RERE: variants seen among roughly 807,000 people sequenced by gnomAD.
RERE encodes the protein arginine-glutamic acid dipeptide repeats protein.
A neutral mutation model predicts 146.1 loss-of-function variants in RERE; 40 were observed. The observed-to-expected ratio is 0.27, with a 90% CI of 0.21 to 0.36. The LOEUF is 0.36. Among genes scored for constraint, RERE ranks in the 10% least tolerant of loss-of-function variants. The pLI is 1.00. For synonymous variants in RERE, 1,003 were observed against 866.0 expected, an observed-to-expected ratio of 1.16 and a Z score of -2.78; for missense variants, 1,933 against 2,138.7, an observed-to-expected ratio of 0.90 and a Z score of 1.90.
intron 1 of RERE, among the ~76,000 whole-genome samples, chr1:8,747,557 C>A (rs1255036385): frequency 6.6e-6 from 1 of 152,048 alleles, no homozygotes; most frequent in African/African-American, 2.4e-5. Context: ...ACTTGATTTA[C>A]TGAGTATCTA....
chr1:8,674,107 C>T (rs529152964), intron 1 of RERE, among the ~76,000 whole-genome samples: 1 of 152,088 alleles, frequency 6.6e-6, no homozygotes, highest in Admixed American at 6.5e-5. Flanking sequence ...TTATTTAGCT[C>T]CCATTTATAA....
chr1:8,508,761 T>G, intron 7 of RERE, 86 bp from the exon 8 acceptor site: 1 of 1,098,012 alleles, frequency 9.1e-7, no homozygotes, highest in South Asian at 1.3e-5. Context: ...GTAATTCTCT[T>G]CAAATAAATG....
chr1:8,362,505 T>C (rs574945360), intron 16 of RERE, among the ~76,000 whole-genome samples, 178 bp downstream of exon 16: 18 of 152,212 alleles, frequency 1.2e-4, no homozygotes, highest in African/African-American at 3.1e-4. Flanking sequence ...CGAGCCCCCT[T>C]CTCTAGGCCC....
At chr1:8,403,550 G>A (rs1643337559) in intron 12 of RERE, among the ~76,000 whole-genome samples, 1 of 151,068 alleles carries the variant, frequency 6.6e-6, no homozygotes, top group Non-Finnish European at 1.5e-5. Flanking sequence ...ATTTTTAGTA[G>A]AGGCAGGGTT....
intron 1 of RERE, among the ~76,000 whole-genome samples, chr1:8,728,036 T>C (rs1640007756): frequency 1.3e-5 from 2 of 152,110 alleles, no homozygotes; most frequent in African/African-American, 4.8e-5. Context: ...CAGCCAACGC[T>C]CCCCAGAGGC....
At chr1:8,682,352 T>C (rs1442488402) in intron 1 of RERE, among the ~76,000 whole-genome samples, 2 of 152,248 alleles carry the variant, frequency 1.3e-5, no homozygotes, top group Non-Finnish European at 2.9e-5. Flanking sequence ...TCTTTATCAA[T>C]ACCACAGCCT....
intron 1 of RERE, among the ~76,000 whole-genome samples, chr1:8,676,995 C>T (rs1031053446): frequency 6.6e-6 from 1 of 152,146 alleles, no homozygotes; most frequent in African/African-American, 2.4e-5. Flanking sequence ...AACAGCCTCC[C>T]CCTTGACTCT....
At chr1:8,790,249 C>A (rs560989919) in intron 1 of RERE, among the ~76,000 whole-genome samples, 1 of 151,814 alleles carries the variant, frequency 6.6e-6, no homozygotes, top group Admixed American at 6.6e-5. Flanking sequence ...TACTGAAACG[C>A]GAGATAGTTA....
chr1:8,650,231 A>T (rs114314644), intron 2 of RERE, among the ~76,000 whole-genome samples: 2,317 of 152,326 alleles, frequency 0.015, 61 homozygotes, highest in African/African-American at 0.053. Flanking sequence ...CCATAAGATC[A>T]CATGCTTCTA....
At chr1:8,470,597 G>A (rs961565492) in intron 10 of RERE, among the ~76,000 whole-genome samples, 4 of 151,834 alleles carry the variant, frequency 2.6e-5, no homozygotes, top group African/African-American at 7.3e-5. Flanking sequence ...ATATTATTGC[G>A]CTATCATCAG....
chr1:8,477,221 C>A (rs1477747947), intron 10 of RERE, among the ~76,000 whole-genome samples: 1 of 152,086 alleles, frequency 6.6e-6, no homozygotes, highest in Non-Finnish European at 1.5e-5. Context: ...AGGGAGGGTG[C>A]GGAGGGTGTA....
At chr1:8,619,058 G>A (rs183692569) in intron 3 of RERE, among the ~76,000 whole-genome samples, 1 of 152,270 alleles carries the variant, frequency 6.6e-6, no homozygotes, top group East Asian at 1.9e-4. Context: ...AACAACGAGA[G>A]GGATATGGTA....
intron 1 of RERE, among the ~76,000 whole-genome samples, chr1:8,776,229 C>G (rs776573877): frequency 6.6e-6 from 1 of 152,176 alleles, no homozygotes; most frequent in Non-Finnish European, 1.5e-5. Flanking sequence ...TTTCCTTTCA[C>G]TTTAAATAGC....
rs541638534 is a variant in RERE at position 8,408,172 on chromosome 1, C to T, written c.1284+14555G>A. The stretch of plus-strand genomic sequence containing the variant: ...GGTTGAAGCAGCCTGCATAATAAAA[C>T]GCTTAACCTTGGCTAAGTTAACCTC... On this transcript the variant is annotated intron_variant, in intron 12 of 22. Transcript: ENST00000400908. 5.3e-5 allele frequency among the ~76,000 whole-genome samples: 8 copies of T among 152,002 alleles called. No homozygotes were observed. In the East Asian group the frequency reaches 5.8e-4, roughly 11 times the overall value.
At chr1:8,557,555 A>T (rs776712108) in intron 4 of RERE, 32 bp from the exon 5 acceptor site, 2 of 1,450,904 alleles carry the variant, frequency 1.4e-6, no homozygotes, top group Admixed American at 3.3e-5. Flanking sequence ...CATTAGGAAC[A>T]GGATTTCAGG....
At chr1:8,712,694 T>C (rs1639691935) in intron 1 of RERE, among the ~76,000 whole-genome samples, 1 of 151,956 alleles carries the variant, frequency 6.6e-6, no homozygotes, top group African/African-American at 2.4e-5. Flanking sequence ...CTAGCAAAGA[T>C]CAGACATGAG....
At chr1:8,496,959 G>A (rs900701230) in intron 9 of RERE, among the ~76,000 whole-genome samples, 2 of 152,132 alleles carry the variant, frequency 1.3e-5, no homozygotes, top group Non-Finnish European at 2.9e-5. Flanking sequence ...GTGTGCCGTG[G>A]TGCTCTGCTG....
intron 1 of RERE, among the ~76,000 whole-genome samples, chr1:8,697,879 A>T (rs1639368574): frequency 6.6e-6 from 1 of 152,134 alleles, no homozygotes; most frequent in African/African-American, 2.4e-5. Context: ...AGAAAAAAAA[A>T]GTTCATATTA....
intron 11 of RERE, among the ~76,000 whole-genome samples, chr1:8,448,158 G>A (rs1644345649): frequency 6.6e-6 from 1 of 152,128 alleles, no homozygotes; most frequent in South Asian, 2.1e-4. Flanking sequence ...GGAGGCCTCT[G>A]CACACGACAG....
Sources: gnomAD v4.1 joint callset for allele counts (sites outside exome capture counted in the v4.1 genomes callset) on GRCh38, gnomAD v4.1.1 for gene constraint, MANE v1.5 for transcripts, NCBI Gene and HGNC (gene_info 2026-07-23, HGNC 2026-07-21) for gene names.